CYLD: variants seen among roughly 807,000 people sequenced by gnomAD.
The protein encoded by CYLD is ubiquitin carboxyl-terminal hydrolase CYLD.
In CYLD, 26 loss-of-function variants were observed where a neutral mutation model predicts 104.5. The observed-to-expected ratio is 0.25, with a 90% CI of 0.18 to 0.35. The LOEUF is 0.35. Ranked by LOEUF, CYLD falls within the 10% of genes least tolerant of loss-of-function variation. The pLI is 1.00. For synonymous variants in CYLD, 385 were observed against 399.9 expected, an observed-to-expected ratio of 0.96 and a Z score of 0.45; for missense variants, 703 against 1,136.1, an observed-to-expected ratio of 0.62 and a Z score of 5.48.
chr16:50,748,428 A>G lies in CYLD; in HGVS notation c.-123-1148A>G, dbSNP rs1317422500. Among the ~76,000 whole-genome samples, 8 of 152,266 alleles carry G rather than the reference A, an allele frequency of 5.3e-5. No homozygotes were observed. In the South Asian group the frequency reaches 1.5e-3, roughly 28 times the overall value. On this transcript the variant is annotated intron_variant, in intron 2 of 18. Coordinates refer to ENST00000427738, the MANE Select transcript of CYLD (RefSeq NM_001378743.1). ...CCAGGTGCAGTTGCTCATGCCTGTA[A>G]TCCTAGAACCTTGGAAGGCCAAGGT... is the stretch of plus-strand genomic sequence containing the variant.
chr16:50,750,660 AC>A (rs1185738499), intron 3 of CYLD, among the ~76,000 whole-genome samples: 1 of 152,224 alleles, frequency 6.6e-6, no homozygotes, highest in Non-Finnish European at 1.5e-5. Context: ...GTAGGAACAT[AC>A]AAAGAGATTC....
In CYLD at chr16:50,779,692, C is replaced by A. The variant is rs200759332; in HGVS notation, c.1166C>A (p.Thr389Lys). ...GCAGAAGACCCTGCAAAATCTCTTA[C>A]AGAGATATCTACAGACTTTGACCGT... is the stretch of plus-strand genomic sequence containing the variant. ...EVAEDPAKSL[T>K]EISTDFDRSS... The change falls in exon 9 of 19, where the codon ACA becomes AAA. Residue 389 changes from threonine (T) to lysine (K), a missense_variant. Physicochemically the swap from Thr to Lys is moderately conservative, Grantham distance 78. Coordinates refer to ENST00000427738, the MANE Select transcript of CYLD (RefSeq NM_001378743.1). 4.3e-5 allele frequency: 70 copies of A among 1,613,816 alleles called. 1 individual carries two copies. Among genetic ancestry groups the A allele is most frequent in the Non-Finnish European group, 8.5e-7 (1 of 1,179,906 alleles).
rs1156273835 is a variant in CYLD at position 50,801,487 on chromosome 16, TTAAC to T, written c.*4981_*4984del. 4 of 233,804 alleles carry T rather than the reference TTAAC, an allele frequency of 1.7e-5. No individual in the cohort carries two copies. The highest frequency in any genetic ancestry group is 8.8e-5 in the African/African-American group (4 of 45,378). The allele number at this position is 233,804 out of a possible 1,614,324, so 14.5% of individuals were successfully genotyped here. On this transcript the variant is annotated 3_prime_UTR_variant, in exon 19 of 19. Transcript: ENST00000427738. The stretch of plus-strand genomic sequence containing the variant: ...TTAGTACTTTCAAATATTGTCCACT[TTAAC>T]TTAAAAAATTCTAGAGGGATTATAT...
intron 1 of CYLD, 157 bp from the exon 2 acceptor site, chr16:50,742,605 G>A (rs1037516286): frequency 2.3e-5 from 9 of 384,158 alleles, no homozygotes; most frequent in African/African-American, 8.4e-5. Flanking sequence ...GGGCCCCGAC[G>A]GCCACGGTTG....
At chr16:50,777,987 A>T in intron 8 of CYLD, 46 bp downstream of exon 8, 1 of 1,108,686 alleles carries the variant, frequency 9.0e-7, no homozygotes, top group Middle Eastern at 2.2e-4. Context: ...TTTCTTTCTA[A>T]CTCATCAGAG....
intron 18 of CYLD, 112 bp from the exon 19 acceptor site, chr16:50,796,212 A>C: frequency 1.0e-6 from 1 of 998,254 alleles, no homozygotes; most frequent in Non-Finnish European, 1.5e-6. Flanking sequence ...AAGTAAAATA[A>C]AGGCTTTTAG....
At chr16:50,779,374 T>G (rs1969992931) in intron 8 of CYLD, among the ~76,000 whole-genome samples, 1 of 152,208 alleles carries the variant, frequency 6.6e-6, no homozygotes, top group Non-Finnish European at 1.5e-5. Context: ...TGTACTGCCT[T>G]CTCAATTAAT....
Position 50,782,401 on chromosome 16 carries a change from G to A in CYLD, c.1761G>A (p.Met587Ile), listed in dbSNP as rs766418129. Residue 587 changes from methionine (M) to isoleucine (I), a missense_variant, in exon 11 of 19, where the codon ATG (methionine) becomes ATA (isoleucine). This residue lies in a region of CYLD where 125 missense variants were observed against 325.4 expected (regional missense o/e 0.38). Transcript: ENST00000427738. ...TGGAAAAAGAAGGCTTGGAGATAAT[G>A]ATTGGGAAGAAGAAAGGCATCCAGG... ...PKMEKEGLEI[M>I]IGKKKGIQGH... The A allele has an allele frequency of 1.2e-6, 2 of 1,613,906 alleles. No individual in the cohort carries two copies. The highest frequency in any genetic ancestry group is 1.7e-6 in the Non-Finnish European group (2 of 1,179,800).
chr16:50,757,961 T>C (rs2150930904), intron 5 of CYLD, among the ~76,000 whole-genome samples: 1 of 152,332 alleles, frequency 6.6e-6, no homozygotes, highest in East Asian at 1.9e-4. Context: ...TTCATTCAAA[T>C]ATTATTAAGC....
At chr16:50,782,529 T>C in intron 11 of CYLD, 63 bp downstream of exon 11, 8 of 1,469,818 alleles carry the variant, frequency 5.4e-6, no homozygotes, top group Non-Finnish European at 7.6e-6. Flanking sequence ...CATACCGGTG[T>C]GTGTGTGTGT....
chr16:50,754,922 T>C (rs1421454165), intron 5 of CYLD, among the ~76,000 whole-genome samples: 1 of 148,370 alleles, frequency 6.7e-6, no homozygotes, highest in East Asian at 2.0e-4. Flanking sequence ...TATGTATACA[T>C]ATATACACAC....
intron 6 of CYLD, 71 bp downstream of exon 6, chr16:50,775,245 C>T (rs1969551678): frequency 8.6e-7 from 1 of 1,156,454 alleles, no homozygotes; most frequent in Admixed American, 1.8e-5. Flanking sequence ...GAACTTTTCA[C>T]ACTGCCTCTT....
chr16:50,775,145 A>T (rs1424968935), intron 5 of CYLD, 21 bp from the exon 6 acceptor site: 2 of 1,594,630 alleles, frequency 1.3e-6, no homozygotes, highest in Non-Finnish European at 1.7e-6. Flanking sequence ...TGTGGGTGAT[A>T]TCGTTTTTGC....
At chr16:50,756,376 T>A (rs1421698659) in intron 5 of CYLD, among the ~76,000 whole-genome samples, 3 of 152,232 alleles carry the variant, frequency 2.0e-5, no homozygotes, top group Non-Finnish European at 4.4e-5. Flanking sequence ...TGGAGAAGAT[T>A]CTTGCTGGAT....
chr16:50,787,617 C>T (rs1970983622), intron 13 of CYLD, 169 bp from the exon 14 acceptor site: 1 of 553,224 alleles, frequency 1.8e-6, no homozygotes, highest in East Asian at 3.0e-5. Context: ...TATTAAATGT[C>T]TTTTATGTTT....
At position 50,794,850 on chromosome 16, in the gene CYLD, G is replaced by T; in HGVS notation, c.2686+422G>T. 1 of 272,604 alleles carries T rather than the reference G, an allele frequency of 3.7e-6. No individual in the cohort carries two copies. The highest frequency in any genetic ancestry group is 7.2e-6 in the Non-Finnish European group (1 of 139,502). 16.9% of individuals were successfully genotyped at this position (272,604 alleles called of 1,614,324 possible). On this transcript the variant is annotated intron_variant, in intron 18 of 18. Coordinates refer to ENST00000427738, the MANE Select transcript of CYLD (RefSeq NM_001378743.1). The surrounding 1 kb of genome is among the most constrained non-coding windows in gnomAD (Gnocchi z 4.1). Reference sequence around the variant, plus strand: ...TGCCCAAGCTGGTCTCAAATTCCTGGCCTCAAGTGATTAACCCTCCTTTTC... The same window carrying T: ...TGCCCAAGCTGGTCTCAAATTCCTGTCCTCAAGTGATTAACCCTCCTTTTC...
intron 8 of CYLD, among the ~76,000 whole-genome samples, chr16:50,779,107 C>T (rs1347094176): frequency 6.6e-6 from 1 of 152,034 alleles, no homozygotes; most frequent in Non-Finnish European, 1.5e-5. Flanking sequence ...TTATTCTTCT[C>T]TACTTTTTTG....
chr16:50,780,803 G>A lies in CYLD; in HGVS notation c.1519-443G>A, dbSNP rs374376186. ...TAAAGTGCTAGGATTATGGGCATGAGCCACCACACCTGGCCAATTTAAATA... is the reference window on the plus strand; with the variant it reads ...TAAAGTGCTAGGATTATGGGCATGAACCACCACACCTGGCCAATTTAAATA... On this transcript the variant is annotated intron_variant, in intron 9 of 18. Transcript: ENST00000427738. Among the ~76,000 whole-genome samples, 17 of 152,026 alleles carry A rather than the reference G, an allele frequency of 1.1e-4. No individual in the cohort carries two copies. The East Asian group carries it at 2.5e-3, about 23-fold the overall frequency.
intron 7 of CYLD, among the ~76,000 whole-genome samples, chr16:50,776,496 G>T (rs1176698947): frequency 6.6e-6 from 1 of 152,134 alleles, no homozygotes; most frequent in East Asian, 1.9e-4. Flanking sequence ...ATAGGGTCTT[G>T]TGTGTTTTGC....
Sources: allele counts gnomAD v4.1 joint callset (sites outside exome capture counted in the v4.1 genomes callset), GRCh38; gene constraint gnomAD v4.1.1; regional missense constraint gnomAD v4.1.1; non-coding constraint Gnocchi (gnomAD v3.1); transcripts MANE v1.5; gene names NCBI Gene and HGNC (gene_info 2026-07-23, HGNC 2026-07-21).